The following PPM1B variants were observed in gnomAD, a reference collection of about 807,000 sequenced individuals.
PPM1B encodes protein phosphatase, Mg2+/Mn2+ dependent 1B, also known as protein phosphatase 1B.
PPM1B carries 22 observed loss-of-function variants against 43.0 expected under a neutral mutation model. The observed-to-expected ratio is 0.51, with a 90% CI of 0.37 to 0.73. PPM1B has a LOEUF of 0.73. PPM1B is among the 30% of genes least tolerant of loss of function. PPM1B has a pLI of 0.00. For synonymous variants in PPM1B, 217 were observed against 197.9 expected (o/e 1.10, Z -0.81); for missense variants, 632 against 584.2 (o/e 1.08, Z -0.84).
intron 1 of PPM1B, among the ~76,000 whole-genome samples, chr2:44,179,877 T>G (rs1254648340): frequency 6.6e-6 from 1 of 151,766 alleles, no homozygotes; most frequent in African/African-American, 2.4e-5. Flanking sequence ...GGTGTGGTGG[T>G]GGGTGCCTGT....
At chr2:44,234,337 G>C, downstream of PPM1B, 1 of 602,594 alleles carries the variant, frequency 1.7e-6, no homozygotes, top group South Asian at 7.4e-5. Flanking sequence ...TGGCCAACAC[G>C]GTGAAACCCT....
intron 1 of PPM1B, among the ~76,000 whole-genome samples, chr2:44,181,287 C>T (rs1369224066): frequency 1.3e-5 from 2 of 152,086 alleles, no homozygotes; most frequent in Non-Finnish European, 2.9e-5. Context: ...AAGGATTTGG[C>T]TAGCTAAATA....
chr2:44,244,489 A>G, downstream of PPM1B: 1 of 836,832 alleles, frequency 1.2e-6, no homozygotes, highest in Non-Finnish European at 1.5e-6. Context: ...TCCATGTGAT[A>G]AACACCTGTG....
chr2:44,218,189 T>A, intron 4 of PPM1B, 111 bp downstream of exon 4: 1 of 791,542 alleles, frequency 1.3e-6, no homozygotes, highest in Non-Finnish European at 2.1e-6. Context: ...GTGAAATGGG[T>A]TAGTGTTTCT....
intron 1 of PPM1B, among the ~76,000 whole-genome samples, chr2:44,177,698 A>G (rs774222979): frequency 3.3e-5 from 5 of 151,794 alleles, no homozygotes; most frequent in African/African-American, 4.8e-5. Context: ...GATTACAGAC[A>G]TGAGCCACCG....
chr2:44,231,287 A>T lies in PPM1B; in HGVS notation c.*569A>T, dbSNP rs1421999365. ...GTTGTGAGATATTGGATGTGTGGCT[A>T]TTTTTCCTTTCTCTGTATTCTTTAT... On this transcript the variant is annotated 3_prime_UTR_variant, in exon 6 of 6. Transcript: ENST00000282412. 1 of 978,528 alleles carries T rather than the reference A, an allele frequency of 1.0e-6. No individual in the cohort carries two copies. Among genetic ancestry groups the T allele is most frequent in the East Asian group, 1.1e-4 (1 of 8,770 alleles). The allele number at this position is 978,528 out of a possible 1,614,324, so 60.6% of individuals were successfully genotyped here. A position where few individuals can be genotyped will look rare whatever the true frequency, so the allele number is the denominator to read the frequency against.
At chr2:44,239,599 G>A (rs1407025416), downstream of PPM1B, among the ~76,000 whole-genome samples, 1 of 152,058 alleles carries the variant, frequency 6.6e-6, no homozygotes, top group East Asian at 1.9e-4. Flanking sequence ...ACAAGGCTGA[G>A]GGGAGGCACA....
At chr2:44,232,207 CAAAG>C (rs540043010), downstream of PPM1B, 59 of 1,472,496 alleles carry the variant, frequency 4.0e-5, no homozygotes, top group South Asian at 1.6e-4. Flanking sequence ...CCTTTTCAGA[CAAAG>C]AAAGGAAGGT....
At position 44,174,179 on chromosome 2, in the gene PPM1B, G is replaced by A; in HGVS notation, c.-15+4905G>A. Reference sequence around the variant, plus strand: ...CTTGGAGAATGTTTAAGTATCATCAGTATTCTATTTTTTAGCTTTAAATTG... The same window carrying A: ...CTTGGAGAATGTTTAAGTATCATCAATATTCTATTTTTTAGCTTTAAATTG... On this transcript the variant is annotated intron_variant, in intron 1 of 5. Transcript: ENST00000282412. 2.0e-5 allele frequency among the ~76,000 whole-genome samples: 3 copies of A among 152,256 alleles called. 1 individual carries two copies. In the Middle Eastern group the frequency reaches 0.01, roughly 518 times the overall value.
chr2:44,195,180 AC>A (rs1668602391), intron 1 of PPM1B, among the ~76,000 whole-genome samples: 2 of 147,814 alleles, frequency 1.4e-5, no homozygotes, highest in Non-Finnish European at 3.0e-5. Context: ...GGCGTGAGCC[AC>A]CCCACCTGGC....
chr2:44,179,023 T>G (rs1211725932), intron 1 of PPM1B, among the ~76,000 whole-genome samples: 1 of 152,174 alleles, frequency 6.6e-6, no homozygotes, highest in Admixed American at 6.5e-5. Context: ...AATTCCCAGG[T>G]GTTCTGAGAG....
intron 2 of PPM1B, among the ~76,000 whole-genome samples, chr2:44,203,747 C>T (rs1390235206): frequency 2.0e-5 from 3 of 151,834 alleles, no homozygotes; most frequent in Admixed American, 6.6e-5. Flanking sequence ...TTCTTGGCTG[C>T]GTAGTATTTT....
downstream of PPM1B, chr2:44,233,953 C>G (rs1438696596): frequency 1.0e-6 from 1 of 985,402 alleles, no homozygotes; most frequent in Non-Finnish European, 1.2e-6. Context: ...ACTGTCCACT[C>G]TGATCCAACC....
chr2:44,223,636 C>T (rs769475051), intron 5 of PPM1B, among the ~76,000 whole-genome samples: 8 of 150,344 alleles, frequency 5.3e-5, no homozygotes, highest in Non-Finnish European at 8.9e-5. Context: ...GGTGAAACCC[C>T]GTCTCTACTA....
chr2:44,205,354 G>GGTGTGTGTGTCGGGGTGTGT (rs1553333036), intron 2 of PPM1B, among the ~76,000 whole-genome samples: 1,672 of 91,766 alleles, frequency 0.018, 29 homozygotes, highest in African/African-American at 0.054. Context: ...TGTGGGTGTG[G>GGTGTGTGTGTCGGGGTGTGT]GTGTGTGTGT....
At chr2:44,188,412 T>C (rs1668232459) in intron 1 of PPM1B, among the ~76,000 whole-genome samples, 1 of 148,438 alleles carries the variant, frequency 6.7e-6, no homozygotes. Flanking sequence ...TTTTTTTTTT[T>C]TGAGACAGGG....
At chr2:44,232,169 A>T, downstream of PPM1B, 1 of 1,214,330 alleles carries the variant, frequency 8.2e-7, no homozygotes, top group Admixed American at 2.7e-5. Flanking sequence ...CACAATATGC[A>T]ATACACAACA....
intron 1 of PPM1B, among the ~76,000 whole-genome samples, chr2:44,176,566 A>C (rs950338431): frequency 5.3e-5 from 8 of 152,160 alleles, no homozygotes; most frequent in Admixed American, 6.5e-5. Flanking sequence ...GGCGTATTGC[A>C]CTTAGATGTG....
intron 1 of PPM1B, among the ~76,000 whole-genome samples, chr2:44,185,837 C>G (rs925827242): frequency 6.6e-6 from 1 of 152,136 alleles, no homozygotes; most frequent in African/African-American, 2.4e-5. Context: ...ATCTCTTAAA[C>G]AATTATTCAA....
Sources: allele counts gnomAD v4.1 joint callset (sites outside exome capture counted in the v4.1 genomes callset), GRCh38; gene constraint gnomAD v4.1.1; transcripts MANE v1.5; gene names NCBI Gene and HGNC (gene_info 2026-07-23, HGNC 2026-07-21).